AFF3: variants seen among roughly 807,000 people sequenced by gnomAD.
The protein encoded by AFF3 is ALF transcription elongation factor 3.
AFF3 carries 32 observed loss-of-function variants against 129.7 expected under a neutral mutation model. The observed-to-expected ratio is 0.25, with a 90% CI of 0.19 to 0.33. The LOEUF (loss-of-function observed/expected upper bound fraction) is 0.33. Ranked by LOEUF, AFF3 falls within the 10% of genes least tolerant of loss-of-function variation. The pLI is 1.00. For synonymous variants in AFF3, 644 were observed against 635.4 expected (o/e 1.01, Z -0.20); for missense variants, 1,373 against 1,592.0 (o/e 0.86, Z 2.34).
rs181272971 is a variant in AFF3, at chr2:99,583,891, C to T, written c.2592-892G>A. The stretch of plus-strand genomic sequence containing the variant: ...CTACTTTTTGTATTTTTAGTAGAGA[C>T]GGGGTTTCACCATGTCAGCCAGGCT... On this transcript the variant is annotated intron_variant, in intron 16 of 24. Transcript: ENST00000672756. Among the ~76,000 whole-genome samples the T allele has an allele frequency of 2.1e-3, 305 of 148,072 alleles. 2 individuals are homozygous for T. The highest frequency in any genetic ancestry group is 7.2e-3 in the African/African-American group (287 of 40,114).
At chr2:99,616,036 C>T (rs1481816143) in intron 13 of AFF3, among the ~76,000 whole-genome samples, 1 of 152,194 alleles carries the variant, frequency 6.6e-6, no homozygotes, top group Non-Finnish European at 1.5e-5. Context: ...TTCCCAGGGA[C>T]TGCTTATAGA....
intron 13 of AFF3, among the ~76,000 whole-genome samples, chr2:99,602,296 A>C (rs974757730): frequency 6.6e-6 from 1 of 152,182 alleles, no homozygotes; most frequent in Non-Finnish European, 1.5e-5. Context: ...AAGATCCCTC[A>C]CTGACACACT....
At chr2:99,897,123 A>T (rs1694032384) in intron 7 of AFF3, among the ~76,000 whole-genome samples, 1 of 152,208 alleles carries the variant, frequency 6.6e-6, no homozygotes, top group South Asian at 2.1e-4. Flanking sequence ...TACTAAAGTT[A>T]AGTGAAATAG....
intron 13 of AFF3, among the ~76,000 whole-genome samples, chr2:99,647,144 T>G (rs1684767300): frequency 6.6e-6 from 1 of 152,184 alleles, no homozygotes; most frequent in South Asian, 2.1e-4. Context: ...GCAATCCCAT[T>G]AATGGGTATA....
chr2:99,716,758 G>A (rs1048088602), intron 11 of AFF3, among the ~76,000 whole-genome samples: 45 of 151,880 alleles, frequency 3.0e-4, no homozygotes, highest in Admixed American at 7.9e-4. Context: ...GTGCTTCCCT[G>A]TAATCGCAGC....
chr2:100,018,032 G>GTGTGTA (rs372741359), intron 4 of AFF3, among the ~76,000 whole-genome samples: 275 of 150,046 alleles, frequency 1.8e-3, no homozygotes, highest in East Asian at 7.7e-3. Context: ...GTGTGTGTGT[G>GTGTGTA]TATATATATA....
intron 4 of AFF3, among the ~76,000 whole-genome samples, chr2:100,088,529 C>T (rs1212322413): frequency 6.7e-6 from 1 of 149,196 alleles, no homozygotes; most frequent in Non-Finnish European, 1.5e-5. Context: ...CATTTCCTGG[C>T]AGATGCACAG....
chr2:100,046,416 G>T (rs1238129127), intron 4 of AFF3, among the ~76,000 whole-genome samples: 1 of 152,160 alleles, frequency 6.6e-6, no homozygotes, highest in African/African-American at 2.4e-5. Flanking sequence ...TGGTAGGTGT[G>T]AGGCTGTAGG....
chr2:99,572,761 C>A, intron 18 of AFF3: 1 of 413,696 alleles, frequency 2.4e-6, no homozygotes, highest in South Asian at 1.8e-5. Context: ...ATTTTTAATA[C>A]ACAGAGTCAG....
At chr2:99,708,904 A>G (rs1677652701) in intron 11 of AFF3, among the ~76,000 whole-genome samples, 1 of 152,258 alleles carries the variant, frequency 6.6e-6, no homozygotes, top group Non-Finnish European at 1.5e-5. Flanking sequence ...TTTTGGAACT[A>G]TTTTGAAGTT....
chr2:99,746,452 A>G (rs935839451), intron 9 of AFF3, among the ~76,000 whole-genome samples: 4 of 152,220 alleles, frequency 2.6e-5, no homozygotes, highest in Non-Finnish European at 5.9e-5. Context: ...GAGGTTGGGT[A>G]GGAAAATTGA....
chr2:100,019,921 G>A (rs1312961319), intron 4 of AFF3, among the ~76,000 whole-genome samples: 3 of 152,154 alleles, frequency 2.0e-5, no homozygotes, highest in African/African-American at 4.8e-5. Flanking sequence ...CCACTTTCTC[G>A]TGTTTGCTCT....
chr2:100,094,460 C>T (rs1232672318), intron 4 of AFF3, among the ~76,000 whole-genome samples: 7 of 152,154 alleles, frequency 4.6e-5, no homozygotes, highest in African/African-American at 1.7e-4. Context: ...AATATAATGC[C>T]AGTGCTAATC....
chr2:99,864,645 G>A (rs901240167), intron 7 of AFF3, among the ~76,000 whole-genome samples: 8 of 152,072 alleles, frequency 5.3e-5, no homozygotes, highest in African/African-American at 9.7e-5. Context: ...ACTCTGCTGC[G>A]ACTGGTACCC....
At chr2:100,025,369 A>T (rs1683951637) in intron 4 of AFF3, among the ~76,000 whole-genome samples, 1 of 152,168 alleles carries the variant, frequency 6.6e-6, no homozygotes, top group Non-Finnish European at 1.5e-5. Context: ...TACAAGGAAA[A>T]CTACAAAACA....
chr2:99,735,899 T>C (rs1018675828), intron 10 of AFF3, among the ~76,000 whole-genome samples: 5 of 152,338 alleles, frequency 3.3e-5, no homozygotes, highest in African/African-American at 1.2e-4. Flanking sequence ...CCCAAATATT[T>C]ACTAATATCT....
chr2:99,941,096 G>A (rs1482823307), intron 7 of AFF3, among the ~76,000 whole-genome samples: 1 of 152,142 alleles, frequency 6.6e-6, no homozygotes, highest in Admixed American at 6.5e-5. Context: ...CTGAAGCCCT[G>A]AGCAGGGAAC....
chr2:99,734,155 G>A (rs927885285), intron 10 of AFF3, among the ~76,000 whole-genome samples: 6 of 152,114 alleles, frequency 3.9e-5, no homozygotes, highest in Non-Finnish European at 8.8e-5. Context: ...TCTTGACAGG[G>A]TTATTGCTTA....
intron 4 of AFF3, among the ~76,000 whole-genome samples, chr2:100,032,183 T>G (rs887112740): frequency 1.3e-5 from 2 of 152,082 alleles, no homozygotes; most frequent in African/African-American, 4.8e-5. Context: ...TCCTAGCACT[T>G]TGGGTGGGAC....
Sources: allele counts gnomAD v4.1 joint callset (sites outside exome capture counted in the v4.1 genomes callset), GRCh38; gene constraint gnomAD v4.1.1; transcripts MANE v1.5; gene names NCBI Gene and HGNC (gene_info 2026-07-23, HGNC 2026-07-21).